PVT1: variants seen among roughly 807,000 people sequenced by gnomAD.
PVT1 encodes the protein Pvt1 oncogene.
chr8:128,067,784 C>T (rs910100714), intron 4 of PVT1, among the ~76,000 whole-genome samples: 4 of 152,128 alleles, frequency 2.6e-5, no homozygotes, highest in Non-Finnish European at 4.4e-5. Flanking sequence ...TGGGGCCTCC[C>T]TGCTTGCAGG....
chr8:127,920,014 C>T (rs1228147129), intron 3 of PVT1, among the ~76,000 whole-genome samples: 2 of 152,164 alleles, frequency 1.3e-5, no homozygotes, highest in African/African-American at 4.8e-5. Context: ...TCTCCCCCAG[C>T]CTCTCCTCTT....
chr8:127,910,712 A>G (rs1176573890), intron 3 of PVT1, among the ~76,000 whole-genome samples: 1 of 152,158 alleles, frequency 6.6e-6, no homozygotes, highest in Admixed American at 6.5e-5. Context: ...TAATAATCCT[A>G]GGAGGATGGT....
intron 3 of PVT1, among the ~76,000 whole-genome samples, chr8:127,938,351 G>A: frequency 6.6e-6 from 1 of 152,138 alleles, no homozygotes; most frequent in Admixed American, 6.6e-5. Context: ...CCAAATCACA[G>A]TGTGTTTCCT....
intron 3 of PVT1, among the ~76,000 whole-genome samples, chr8:127,918,159 C>T (rs896047874): frequency 2.6e-5 from 4 of 152,212 alleles, no homozygotes; most frequent in Non-Finnish European, 5.9e-5. Flanking sequence ...CCTGCGCCAC[C>T]GGAATTCAGT....
intron 3 of PVT1, among the ~76,000 whole-genome samples, chr8:127,953,017 GC>G (rs1456334111): frequency 6.6e-6 from 1 of 152,088 alleles, no homozygotes; most frequent in African/African-American, 2.4e-5. Context: ...GCCCGCCTTG[GC>G]CTCCGAAAGT....
chr8:127,981,255 C>G (rs1274612999), intron 3 of PVT1, among the ~76,000 whole-genome samples: 1 of 152,176 alleles, frequency 6.6e-6, no homozygotes, highest in African/African-American at 2.4e-5. Context: ...AACCTCTTTC[C>G]TCTGCAAGAG....
intron 5 of PVT1, among the ~76,000 whole-genome samples, chr8:128,081,536 A>G (rs1814178697): frequency 6.6e-6 from 1 of 152,220 alleles, no homozygotes; most frequent in Non-Finnish European, 1.5e-5. Flanking sequence ...AATCCTCAGA[A>G]TAAACCTTTG....
chr8:128,054,618 G>A (rs537822089), intron 4 of PVT1, among the ~76,000 whole-genome samples: 75 of 152,302 alleles, frequency 4.9e-4, no homozygotes, highest in African/African-American at 1.7e-3. Flanking sequence ...ATTCCTTGAT[G>A]GGTTCAATGT....
intron 2 of PVT1, among the ~76,000 whole-genome samples, chr8:127,812,611 A>G (rs1049312263): frequency 1.3e-5 from 2 of 148,304 alleles, no homozygotes; most frequent in African/African-American, 4.9e-5. Flanking sequence ...AAGAAAAAAA[A>G]GAAGGAAAGG....
chr8:127,906,751 G>A (rs368701631), intron 3 of PVT1, among the ~76,000 whole-genome samples: 21 of 152,232 alleles, frequency 1.4e-4, no homozygotes, highest in East Asian at 9.7e-4. Flanking sequence ...ATGTGCAGGC[G>A]TTAATGTCAC....
intron 4 of PVT1, among the ~76,000 whole-genome samples, chr8:128,069,716 ACCTG>A (rs1813958850): frequency 6.6e-6 from 1 of 152,186 alleles, no homozygotes; most frequent in African/African-American, 2.4e-5. Context: ...CACTCTTCAA[ACCTG>A]CTCTTCATGA....
At chr8:127,912,676 G>T (rs1004078921) in intron 3 of PVT1, among the ~76,000 whole-genome samples, 1 of 151,952 alleles carries the variant, frequency 6.6e-6, no homozygotes, top group Non-Finnish European at 1.5e-5. Context: ...CCAAATACTG[G>T]GTCATTTTAT....
intron 4 of PVT1, among the ~76,000 whole-genome samples, chr8:128,053,326 C>T (rs1813720541): frequency 6.6e-6 from 1 of 151,584 alleles, no homozygotes; most frequent in African/African-American, 2.4e-5. Flanking sequence ...AGTGGGTGCT[C>T]AGACAGTGTC....
chr8:127,844,540 C>G (rs1815009536), intron 2 of PVT1, among the ~76,000 whole-genome samples: 1 of 152,146 alleles, frequency 6.6e-6, no homozygotes. Context: ...ACTCATGCCA[C>G]CTCCCCCAGG....
At chr8:127,964,489 G>A (rs992812818) in intron 3 of PVT1, among the ~76,000 whole-genome samples, 1 of 152,166 alleles carries the variant, frequency 6.6e-6, no homozygotes. Context: ...GGAGGCAAAG[G>A]CCCTTATTGT....
chr8:127,860,688 C>G (rs1815214384), intron 2 of PVT1, among the ~76,000 whole-genome samples: 1 of 151,446 alleles, frequency 6.6e-6, no homozygotes, highest in Non-Finnish European at 1.5e-5. Context: ...TTGCTTGAAC[C>G]CAGGAGGTGG....
chr8:128,073,964 G>A (rs1376252535), intron 5 of PVT1, among the ~76,000 whole-genome samples: 2 of 152,100 alleles, frequency 1.3e-5, no homozygotes, highest in African/African-American at 4.8e-5. Flanking sequence ...CTCCTGGGAT[G>A]GAAGGTGTCC....
intron 6 of PVT1, chr8:128,099,631 A>T (rs1173301897): frequency 1.3e-5 from 2 of 152,220 alleles, no homozygotes; most frequent in African/African-American, 4.8e-5. Context: ...ATACCAAATC[A>T]TGATAGAAAA....
intron 4 of PVT1, among the ~76,000 whole-genome samples, chr8:128,033,477 G>A (rs1481540677): frequency 5.3e-5 from 8 of 152,194 alleles, no homozygotes; most frequent in Non-Finnish European, 8.8e-5. Context: ...CCTCCTTTCC[G>A]CAGGTTGCTA....
Sources: allele counts gnomAD v4.1 joint callset (sites outside exome capture counted in the v4.1 genomes callset), GRCh38; gene constraint gnomAD v4.1.1; transcripts MANE v1.5; gene names NCBI Gene and HGNC (gene_info 2026-07-23, HGNC 2026-07-21).